The following UNC5D variants were observed in gnomAD, a reference collection of about 807,000 sequenced individuals.
The protein encoded by UNC5D is netrin receptor UNC5D.
UNC5D carries 39 observed loss-of-function variants against 105.4 expected under a neutral mutation model. The observed-to-expected ratio is 0.37, with a 90% CI of 0.29 to 0.48. UNC5D has a LOEUF of 0.48. Ranked by LOEUF, UNC5D falls within the 20% of genes least tolerant of loss-of-function variation. UNC5D has a pLI of 0.98. For missense variants in UNC5D, 991 were observed against 1,202.4 expected, an observed-to-expected ratio of 0.82 and a Z score of 2.60; for synonymous variants, 452 against 450.4, an observed-to-expected ratio of 1.00 and a Z score of -0.04.
intron 1 of UNC5D, among the ~76,000 whole-genome samples, chr8:35,336,532 A>G (rs1378994277): frequency 6.6e-5 from 10 of 152,242 alleles, no homozygotes; most frequent in African/African-American, 2.4e-4. Flanking sequence ...ACTGGATTCA[A>G]TGCTGCTACT....
intron 1 of UNC5D, among the ~76,000 whole-genome samples, chr8:35,380,099 C>CGGGGG (rs1802939276): frequency 5.3e-5 from 1 of 18,898 alleles, no homozygotes; most frequent in African/African-American, 2.5e-4. Flanking sequence ...GGGGGGGGGT[C>CGGGGG]GGGGAGAGAG....
intron 2 of UNC5D, among the ~76,000 whole-genome samples, chr8:35,552,968 G>T (rs966002066): frequency 6.6e-6 from 1 of 152,142 alleles, no homozygotes; most frequent in African/African-American, 2.4e-5. Flanking sequence ...AACTAAAAAG[G>T]ACTCAAATAC....
At chr8:35,756,951 C>T (rs1351787914) in intron 13 of UNC5D, among the ~76,000 whole-genome samples, 4 of 152,122 alleles carry the variant, frequency 2.6e-5, no homozygotes, top group Non-Finnish European at 4.4e-5. Flanking sequence ...AGAAGAGTTG[C>T]TGTTATACTA....
intron 4 of UNC5D, among the ~76,000 whole-genome samples, chr8:35,601,021 T>C (rs1213556379): frequency 1.3e-5 from 2 of 152,126 alleles, no homozygotes; most frequent in Admixed American, 6.6e-5. Flanking sequence ...TACATATGGC[T>C]AGCCAGTTTT....
At chr8:35,273,278 G>A (rs1267611746) in intron 1 of UNC5D, among the ~76,000 whole-genome samples, 1 of 152,170 alleles carries the variant, frequency 6.6e-6, no homozygotes, top group African/African-American at 2.4e-5. Context: ...CAATTAAAAC[G>A]ATTATAAGAG....
At position 35,488,644 on chromosome 8, in the gene UNC5D, A is replaced by G. The variant is rs534469869; in HGVS notation, c.104-60648A>G. 1.6e-3 allele frequency among the ~76,000 whole-genome samples: 250 copies of G among 152,286 alleles called. 1 individual carries two copies. The highest frequency in any genetic ancestry group is 5.7e-3 in the African/African-American group (239 of 41,566). ...CCAAGGAGGGTGATCCTTAACATTG[A>G]ATTGTGTTTTCTCTGCTGTGTTTCA... On this transcript the variant is annotated intron_variant, in intron 1 of 16. Coordinates refer to ENST00000404895, the MANE Select transcript of UNC5D (RefSeq NM_080872.4).
At chr8:35,505,148 A>G (rs1020982063) in intron 1 of UNC5D, among the ~76,000 whole-genome samples, 7 of 152,232 alleles carry the variant, frequency 4.6e-5, no homozygotes, top group Admixed American at 2.0e-4. Context: ...CAAGAAATAT[A>G]TACACCTACT....
At chr8:35,585,381 G>T (rs1818720014) in intron 3 of UNC5D, among the ~76,000 whole-genome samples, 1 of 152,278 alleles carries the variant, frequency 6.6e-6, no homozygotes, top group East Asian at 1.9e-4. Flanking sequence ...AGTGCATGGA[G>T]AGTTGTAGGG....
chr8:35,437,655 T>C (rs898339101), intron 1 of UNC5D, among the ~76,000 whole-genome samples: 45 of 152,076 alleles, frequency 3.0e-4, no homozygotes, highest in African/African-American at 1.1e-3. Context: ...TTCTGAATTA[T>C]GGTTTGGAGT....
rs529508343 is a variant in UNC5D at position 35,572,965 on chromosome 8, G to A, written c.466+4724G>A. On this transcript the variant is annotated intron_variant, in intron 3 of 16. Coordinates refer to ENST00000404895, the MANE Select transcript of UNC5D (RefSeq NM_080872.4). Reference sequence around the variant, plus strand: ...ACTACAGGCGCCCGCCACCACGCCCGGCTAATTTTTTATATTTTTAGTAGA... The same window carrying A: ...ACTACAGGCGCCCGCCACCACGCCCAGCTAATTTTTTATATTTTTAGTAGA... Among the ~76,000 whole-genome samples the A allele has an allele frequency of 7.2e-5, 11 of 151,952 alleles. No homozygotes were observed. In the South Asian group the frequency reaches 8.3e-4, roughly 11 times the overall value.
chr8:35,752,113 G>A (rs968297284), intron 13 of UNC5D, among the ~76,000 whole-genome samples: 2 of 152,274 alleles, frequency 1.3e-5, no homozygotes, highest in South Asian at 4.1e-4. Context: ...AGGGCTACTA[G>A]GGCAGAGATG....
chr8:35,785,494 G>A (rs1802702705), intron 16 of UNC5D, among the ~76,000 whole-genome samples: 1 of 152,036 alleles, frequency 6.6e-6, no homozygotes, highest in South Asian at 2.1e-4. Flanking sequence ...CAAGTAGCTG[G>A]GAGTACAGGC....
At chr8:35,570,511 G>T (rs1243741264) in intron 3 of UNC5D, among the ~76,000 whole-genome samples, 1 of 152,000 alleles carries the variant, frequency 6.6e-6, no homozygotes, top group Admixed American at 6.6e-5. Flanking sequence ...TCATTTGCAG[G>T]TGTCTTAATC....
intron 4 of UNC5D, among the ~76,000 whole-genome samples, chr8:35,665,563 T>A (rs772651011): frequency 6.6e-6 from 1 of 152,126 alleles, no homozygotes; most frequent in Non-Finnish European, 1.5e-5. Context: ...TCCCATTTCA[T>A]TCTCCAGTTT....
chr8:35,612,579 T>C (rs1239290695), intron 4 of UNC5D, among the ~76,000 whole-genome samples: 1 of 152,140 alleles, frequency 6.6e-6, no homozygotes, highest in African/African-American at 2.4e-5. Flanking sequence ...TGTTTTAATC[T>C]GGTTCCCCAA....
rs528939974 is a variant in UNC5D, at chr8:35,401,116, T to C, written c.104-148176T>C. On this transcript the variant is annotated intron_variant, in intron 1 of 16. Transcript: ENST00000404895. ...CTTACAAAAGAAGGTAAAATACTCA[T>C]AATTAAAAAGGAAACAGTCCATTTA... Among the ~76,000 whole-genome samples, 194 of 152,206 alleles carry C rather than the reference T, an allele frequency of 1.3e-3. 1 individual carries two copies. Among genetic ancestry groups the C allele is most frequent in the African/African-American group, 4.4e-3 (184 of 41,528 alleles).
At chr8:35,489,112 T>G (rs1182696207) in intron 1 of UNC5D, among the ~76,000 whole-genome samples, 1 of 151,822 alleles carries the variant, frequency 6.6e-6, no homozygotes, top group African/African-American at 2.4e-5. Flanking sequence ...GTTCAAGCAA[T>G]TCTCTTGCTT....
At chr8:35,456,173 G>A (rs1808480328) in intron 1 of UNC5D, among the ~76,000 whole-genome samples, 1 of 152,064 alleles carries the variant, frequency 6.6e-6, no homozygotes, top group African/African-American at 2.4e-5. Context: ...ACATTACCTG[G>A]CATTATAATT....
At chr8:35,637,080 G>A (rs945585431) in intron 4 of UNC5D, among the ~76,000 whole-genome samples, 2 of 152,128 alleles carry the variant, frequency 1.3e-5, no homozygotes, top group Non-Finnish European at 2.9e-5. Flanking sequence ...CAGGAACATA[G>A]TACAATTCAT....
Sources: allele counts gnomAD v4.1 joint callset (sites outside exome capture counted in the v4.1 genomes callset), GRCh38; gene constraint gnomAD v4.1.1; transcripts MANE v1.5; gene names NCBI Gene and HGNC (gene_info 2026-07-23, HGNC 2026-07-21).